The following PHYHD1 variants were observed in gnomAD, a reference collection of about 807,000 sequenced individuals.
PHYHD1 encodes the protein phytanoyl-CoA dioxygenase domain-containing protein 1.
PHYHD1 carries 42 observed loss-of-function variants against 43.6 expected under a neutral mutation model. The observed-to-expected ratio is 0.96, with a 90% CI of 0.75 to 1.25. PHYHD1 has a LOEUF of 1.25. PHYHD1 is among the 50% of genes most tolerant of loss of function. PHYHD1 has a pLI of 0.00. For missense variants in PHYHD1, 342 were observed against 370.8 expected, an observed-to-expected ratio of 0.92 and a Z score of 0.64; for synonymous variants, 139 against 143.6, an observed-to-expected ratio of 0.97 and a Z score of 0.23.
intron 5 of PHYHD1, 71 bp from the exon 6 acceptor site, chr9:128,933,940 C>T: frequency 1.9e-6 from 3 of 1,604,368 alleles, no homozygotes; most frequent in Non-Finnish European, 1.7e-6. Context: ...GGGCTGGAAG[C>T]ATGCTGAAGC....
chr9:128,941,535 T>C lies in PHYHD1; in HGVS notation c.794T>C (p.Met265Thr), dbSNP rs1158359363. Residue 265 changes from methionine (M) to threonine (T), a missense_variant, in exon 12 of 13, where the codon ATG becomes ACG. By Grantham distance (81) the Met-to-Thr change is moderately conservative. Coordinates refer to ENST00000372592, the MANE Select transcript of PHYHD1 (RefSeq NM_001100876.2). ...CGCCAGGCCTACACTTTCCACCTCA[T>C]GGAGGCCTCTGGCACCACCTGGAGC... ...RSRQAYTFHL[M>T]EASGTTWSPE... is the part of the protein sequence containing the mutation. 3.7e-6 allele frequency: 6 copies of C among 1,614,122 alleles called. No homozygotes were observed. Among genetic ancestry groups the C allele is most frequent in the Admixed American group, 1.7e-5 (1 of 60,012 alleles).
intron 9 of PHYHD1, among the ~76,000 whole-genome samples, chr9:128,940,053 A>G (rs2131119568): frequency 6.6e-6 from 1 of 152,316 alleles, no homozygotes; most frequent in South Asian, 2.1e-4. Context: ...CACTGGAATT[A>G]AACAGTAGTG....
At chr9:128,923,495 A>C (rs1048476196) in intron 3 of PHYHD1, among the ~76,000 whole-genome samples, 34 of 152,354 alleles carry the variant, frequency 2.2e-4, no homozygotes, top group African/African-American at 7.5e-4. Flanking sequence ...ATGTATAGCC[A>C]ATCTTTGAGA....
At chr9:128,931,671 C>A (rs1024722345) in intron 4 of PHYHD1, among the ~76,000 whole-genome samples, 5 of 152,172 alleles carry the variant, frequency 3.3e-5, no homozygotes, top group African/African-American at 1.2e-4. Flanking sequence ...ACTACAGGCG[C>A]CCGCCACCAC....
At chr9:128,936,924 G>A (rs1841438026) in intron 8 of PHYHD1, among the ~76,000 whole-genome samples, 1 of 152,106 alleles carries the variant, frequency 6.6e-6, no homozygotes, top group Admixed American at 6.6e-5. Flanking sequence ...AGATCAGCCT[G>A]GCCAACATGG....
chr9:128,937,572 T>A (rs1841455925), intron 8 of PHYHD1, among the ~76,000 whole-genome samples, 185 bp from the exon 9 acceptor site: 1 of 151,860 alleles, frequency 6.6e-6, no homozygotes, highest in African/African-American at 2.4e-5. Context: ...TGGGCAGGGG[T>A]GGGGGTTTTC....
At chr9:128,923,289 C>G (rs1841050706) in intron 3 of PHYHD1, among the ~76,000 whole-genome samples, 1 of 152,196 alleles carries the variant, frequency 6.6e-6, no homozygotes. Flanking sequence ...GTTGCCCAGG[C>G]TGGTCCAGAG....
chr9:128,934,161 G>A, intron 6 of PHYHD1, 103 bp downstream of exon 6: 1 of 1,250,282 alleles, frequency 8.0e-7, no homozygotes, highest in Non-Finnish European at 1.1e-6. Context: ...GTCAAGGTGG[G>A]CAGATCACTT....
At chr9:128,937,939 G>A in intron 9 of PHYHD1, 161 bp downstream of exon 9, 2 of 1,512,714 alleles carry the variant, frequency 1.3e-6, no homozygotes, top group Non-Finnish European at 8.9e-7. Context: ...CCCTGATAGT[G>A]GATTGGTAGG....
In PHYHD1 at chr9:128,939,592, A is replaced by T. The variant is rs1166730092; in HGVS notation, c.458-777A>T. 1.8e-4 allele frequency among the ~76,000 whole-genome samples: 22 copies of T among 119,972 alleles called. 6 individuals carry two copies. Among genetic ancestry groups the T allele is most frequent in the African/African-American group, 8.4e-5 (3 of 35,816 alleles). 78.7% of individuals were successfully genotyped at this position (119,972 alleles called of 152,430 possible). A position where few individuals can be genotyped will look rare whatever the true frequency, so the allele number is the denominator to read the frequency against. ...AGACTCCGTCTCAAAAAAAAAAAAA[A>T]TAATAATAATAATAAAGAAATGTGG... On this transcript the variant is annotated intron_variant, in intron 9 of 12. Transcript: ENST00000372592.
chr9:128,936,774 TCTC>T, intron 8 of PHYHD1, 129 bp downstream of exon 8: 1 of 1,123,778 alleles, frequency 8.9e-7, no homozygotes, highest in Non-Finnish European at 1.3e-6. Context: ...GGAAAATCGG[TCTC>T]CTCTGGCTAA....
chr9:128,921,950 A>G lies in PHYHD1; in HGVS notation c.-139A>G. On this transcript the variant is annotated 5_prime_UTR_variant, in exon 2 of 13. Coordinates refer to ENST00000372592, the MANE Select transcript of PHYHD1 (RefSeq NM_001100876.2). ...TCCAGATTGAGGCCTAGAGAGAGGC[A>G]GGCGTTCCTCAGAGTCACAGGGAAT... The G allele has an allele frequency of 3.6e-6, 1 of 279,940 alleles. No homozygotes were observed. Among genetic ancestry groups the G allele is most frequent in the Non-Finnish European group, 6.8e-6 (1 of 147,500 alleles). 17.3% of individuals were successfully genotyped at this position (279,940 alleles called of 1,614,324 possible). A position where few individuals can be genotyped will look rare whatever the true frequency, so the allele number is the denominator to read the frequency against.
rs1841009839 is a variant in PHYHD1 at position 128,921,995 on chromosome 9, C to T, written c.-94C>T. The T allele has an allele frequency of 5.4e-6, 2 of 369,244 alleles. No individual in the cohort carries two copies. Among genetic ancestry groups the T allele is most frequent in the East Asian group, 1.1e-4 (2 of 18,578 alleles). 22.9% of individuals were successfully genotyped at this position (369,244 alleles called of 1,614,324 possible). A position where few individuals can be genotyped will look rare whatever the true frequency, so the allele number is the denominator to read the frequency against. ...GGGAATGGCGGCGCCTGGACTGGGA[C>T]TCAGCCCAGCTGCTTGGCCTGACCC... On this transcript the variant is annotated 5_prime_UTR_variant, in exon 2 of 13. Transcript: ENST00000372592.
chr9:128,932,166 A>ATTATTTTTTTT (rs1564540372), intron 4 of PHYHD1, among the ~76,000 whole-genome samples: 7 of 122,742 alleles, frequency 5.7e-5, no homozygotes, highest in African/African-American at 2.4e-4. Flanking sequence ...TATTATTATT[A>ATTATTTTTTTT]TTGTTATTAT....
rs964060048 is a variant in PHYHD1, at chr9:128,941,692, CT to C, written c.858del (p.Gln288AsnfsTer18). The C allele has an allele frequency of 1.2e-6, 2 of 1,614,092 alleles. No homozygotes were observed. Among genetic ancestry groups the C allele is most frequent in the African/African-American group, 2.7e-5 (2 of 74,938 alleles). On this transcript the variant is annotated frameshift_variant, in exon 13 of 13. Transcript: ENST00000372592. LOFTEE classifies it high-confidence loss of function. ...GGCTCCAGCCAACAGCTGAACTGCC[CT>C]TTCCCCAACTGTACACCTAAAGGCT... The part of the protein sequence containing the change: ...NWLQPTAELP[F>X]PQLYT
intron 6 of PHYHD1, among the ~76,000 whole-genome samples, chr9:128,935,348 G>C (rs1263079672): frequency 1.3e-5 from 2 of 152,106 alleles, no homozygotes; most frequent in Admixed American, 1.3e-4. Context: ...ATCATTGCCG[G>C]GCGTGGTGGC....
Position 128,940,397 on chromosome 9 carries a change from G to A in PHYHD1, c.486G>A (p.Leu162=). The A allele has an allele frequency of 1.2e-6, 2 of 1,614,192 alleles. No homozygotes were observed. The highest frequency in any genetic ancestry group is 1.7e-6 in the Non-Finnish European group (2 of 1,180,050). Residue 162 remains leucine (L), a synonymous_variant, in exon 10 of 13, where the codon CTG becomes CTA. Transcript: ENST00000372592. The part of the protein sequence containing the change: ...EVSPHQDASF[L]YTEPLGRVLG... ...CCCCTCATCAGGACGCCTCCTTCCT[G>A]TACACGGAGCCCCTGGGCCGGGTGC...
At chr9:128,937,890 A>G (rs1337601948) in intron 9 of PHYHD1, 112 bp downstream of exon 9, 20 of 1,575,804 alleles carry the variant, frequency 1.3e-5, no homozygotes, top group African/African-American at 1.4e-5. Flanking sequence ...CTGTTGTAGG[A>G]GCCTGGCCCG....
Position 128,937,763 on chromosome 9 carries a change from C to T in PHYHD1, c.442C>T (p.His148Tyr), listed in dbSNP as rs764235742. ...CTTTTCCTCTCTCTTGCAGCAACCT[C>T]ACTTTGGCGGTGAAGGTGAGCTGAG... Reference protein sequence around the residue: ...VQSMYIFKQPHFGGEVSPHQD... With the variant: ...VQSMYIFKQPYFGGEVSPHQD... Residue 148 changes from histidine to tyrosine, a missense_variant, in exon 9 of 13, where the codon CAC becomes TAC. His to Tyr is a moderately conservative substitution (Grantham distance 83). Transcript: ENST00000372592. 3.1e-6 allele frequency: 5 copies of T among 1,614,014 alleles called. No individual in the cohort carries two copies. In the South Asian group the frequency reaches 5.5e-5, roughly 18 times the overall value.
Sources: gnomAD v4.1 joint callset for allele counts (sites outside exome capture counted in the v4.1 genomes callset) on GRCh38, gnomAD v4.1.1 for gene constraint, MANE v1.5 for transcripts, NCBI Gene and HGNC (gene_info 2026-07-23, HGNC 2026-07-21) for gene names.